Variants in TMC2 observed in about 807,000 individuals in gnomAD.
TMC2 encodes the protein transmembrane channel like 2.
Under a neutral mutation model 105.9 loss-of-function variants are expected in TMC2, and 102 were observed. The observed-to-expected ratio is 0.96, with a 90% CI of 0.82 to 1.14. The LOEUF (loss-of-function observed/expected upper bound fraction) is 1.14, where lower values mean the gene tolerates loss of function less well. TMC2 is among the 50% of genes most tolerant of loss of function. The probability of loss-of-function intolerance (pLI) is 0.00; values close to 1 mark genes in which losing one functional copy is unlikely to be tolerated. For synonymous variants in TMC2, 402 were observed against 422.8 expected, an observed-to-expected ratio of 0.95 and a Z score of 0.60; for missense variants, 1,093 against 1,134.3, an observed-to-expected ratio of 0.96 and a Z score of 0.52.
intron 10 of TMC2, among the ~76,000 whole-genome samples, chr20:2,599,539 ATTT>A (rs11409325): frequency 1.2e-5 from 1 of 85,512 alleles, no homozygotes; most frequent in Non-Finnish European, 2.1e-5. Flanking sequence ...CTTTAATTAC[ATTT>A]TTTTTTTTTT....
chr20:2,603,456 A>AT (rs1005774520), intron 11 of TMC2, among the ~76,000 whole-genome samples: 3 of 152,222 alleles, frequency 2.0e-5, no homozygotes, highest in African/African-American at 7.2e-5. Context: ...ATGTAAATGG[A>AT]TTTGATGCTA....
chr20:2,546,349 T>A (rs2085926046), intron 2 of TMC2, among the ~76,000 whole-genome samples: 1 of 152,192 alleles, frequency 6.6e-6, no homozygotes, highest in Non-Finnish European at 1.5e-5. Context: ...TGATTAAGGA[T>A]GTAAATAGAA....
chr20:2,615,267 G>C (rs945598098), intron 14 of TMC2, among the ~76,000 whole-genome samples: 1 of 152,230 alleles, frequency 6.6e-6, no homozygotes, highest in East Asian at 1.9e-4. Context: ...GTTGCAGTGA[G>C]CTGAGATTGT....
intron 2 of TMC2, among the ~76,000 whole-genome samples, chr20:2,538,321 A>T (rs2085865328): frequency 6.6e-6 from 1 of 152,108 alleles, no homozygotes. Flanking sequence ...CTATCCCGGA[A>T]CTTGCCTCAG....
At chr20:2,631,530 G>A (rs1221576173) in intron 17 of TMC2, among the ~76,000 whole-genome samples, 1 of 152,182 alleles carries the variant, frequency 6.6e-6, no homozygotes, top group African/African-American at 2.4e-5. Flanking sequence ...AGTTTTGCTG[G>A]ATTTAGAATT....
rs780257503 is a variant in TMC2, at chr20:2,561,932, A to G, written c.476A>G (p.Gln159Arg). Residue 159 changes from glutamine (Q) to arginine (R), a missense_variant, in exon 4 of 20, where the codon CAG becomes CGG. Physicochemically the swap from Gln to Arg is conservative, Grantham distance 43 (BLOSUM62 1). Coordinates refer to ENST00000358864, the MANE Select transcript of TMC2 (RefSeq NM_080751.3). ...GAGGAACTGGCCCAGATCCTGGAGCAGGTGGAAGAAAAAAAGAAGCTCATT... is the reference window on the plus strand; with the variant it reads ...GAGGAACTGGCCCAGATCCTGGAGCGGGTGGAAGAAAAAAAGAAGCTCATT... Reference protein sequence around the residue: ...SEEELAQILEQVEEKKKLIAT... With the variant: ...SEEELAQILERVEEKKKLIAT... 3.7e-6 allele frequency: 6 copies of G among 1,614,242 alleles called. No homozygotes were observed. The East Asian group carries it at 1.3e-4, about 36-fold the overall frequency.
rs752762852 is a variant in TMC2, at chr20:2,610,401, G to T, written c.1414-18G>T. On this transcript the variant is annotated intron_variant, in intron 11 of 19. Transcript: ENST00000358864. ...GTATAATGTTGATGACACAACGTAGGCTTTCCTGATTCCTCAGGTAGAGAT... is the reference window on the plus strand; with the variant it reads ...GTATAATGTTGATGACACAACGTAGTCTTTCCTGATTCCTCAGGTAGAGAT... 4.4e-6 allele frequency: 7 copies of T among 1,601,240 alleles called. 1 individual carries two copies. The South Asian group carries it at 4.5e-5, about 10-fold the overall frequency.
chr20:2,577,050 G>A (rs1050795010), intron 5 of TMC2, among the ~76,000 whole-genome samples: 1 of 151,936 alleles, frequency 6.6e-6, no homozygotes, highest in Non-Finnish European at 1.5e-5. Flanking sequence ...TGGGATTACA[G>A]GTGCCTGCCA....
At chr20:2,630,424 C>T (rs1219849265) in intron 17 of TMC2, among the ~76,000 whole-genome samples, 1 of 152,094 alleles carries the variant, frequency 6.6e-6, no homozygotes, top group East Asian at 1.9e-4. Context: ...ATGAAATGAC[C>T]CTTTTACAAT....
chr20:2,547,575 C>G (rs568485058), intron 2 of TMC2, among the ~76,000 whole-genome samples: 1 of 152,260 alleles, frequency 6.6e-6, no homozygotes, highest in East Asian at 1.9e-4. Context: ...GGTGAAAGAA[C>G]AAGTCTCTGT....
chr20:2,631,701 G>C (rs978741456), intron 17 of TMC2, among the ~76,000 whole-genome samples: 1 of 68,076 alleles, frequency 1.5e-5, no homozygotes, highest in Non-Finnish European at 3.0e-5. Context: ...CTTTGACTAT[G>C]GCTGTTTTTT....
chr20:2,585,228 G>T (rs1462831460), intron 7 of TMC2, among the ~76,000 whole-genome samples: 1 of 152,062 alleles, frequency 6.6e-6, no homozygotes. Context: ...ATCATAGTTT[G>T]TTATCCATTC....
chr20:2,574,104 CG>C (rs1183492123), intron 5 of TMC2, among the ~76,000 whole-genome samples: 1 of 152,036 alleles, frequency 6.6e-6, no homozygotes, highest in African/African-American at 2.4e-5. Context: ...TCTTTGTCAC[CG>C]TAAAAATTAT....
intron 2 of TMC2, among the ~76,000 whole-genome samples, chr20:2,557,572 T>C (rs940022277): frequency 1.3e-5 from 2 of 152,188 alleles, no homozygotes; most frequent in African/African-American, 4.8e-5. Context: ...CTCTTGTCGC[T>C]TAGGCTGGAG....
chr20:2,618,996 G>A (rs1340992665), intron 16 of TMC2, among the ~76,000 whole-genome samples: 1 of 152,140 alleles, frequency 6.6e-6, no homozygotes, highest in Non-Finnish European at 1.5e-5. Flanking sequence ...GCAACCCTGA[G>A]GGCATTACTT....
At chr20:2,597,095 G>C in intron 9 of TMC2, 56 bp from the exon 10 acceptor site, 1 of 1,575,454 alleles carries the variant, frequency 6.3e-7, no homozygotes, top group Non-Finnish European at 8.7e-7. Context: ...AAGGTTCCCT[G>C]GGGGTGACAC....
intron 2 of TMC2, among the ~76,000 whole-genome samples, chr20:2,549,616 G>A (rs1462862021): frequency 6.6e-6 from 1 of 151,606 alleles, no homozygotes; most frequent in Non-Finnish European, 1.5e-5. Context: ...GGTGGCGTGT[G>A]CCTGTAATCC....
At chr20:2,566,166 A>C (rs1309915851) in intron 4 of TMC2, among the ~76,000 whole-genome samples, 1 of 152,208 alleles carries the variant, frequency 6.6e-6, no homozygotes, top group East Asian at 1.9e-4. Flanking sequence ...TCTCAGGGTC[A>C]CTTCCTTCCC....
intron 4 of TMC2, among the ~76,000 whole-genome samples, chr20:2,569,480 G>A (rs2122851712): frequency 6.6e-6 from 1 of 152,290 alleles, no homozygotes; most frequent in East Asian, 1.9e-4. Flanking sequence ...AGGAGCATAT[G>A]GGCTTATGAT....
Sources: gnomAD v4.1 joint callset for allele counts (sites outside exome capture counted in the v4.1 genomes callset) on GRCh38, gnomAD v4.1.1 for gene constraint, MANE v1.5 for transcripts, NCBI Gene and HGNC (gene_info 2026-07-23, HGNC 2026-07-21) for gene names.